ANXA4: variants seen among roughly 807,000 people sequenced by gnomAD.
The protein encoded by ANXA4 is annexin A4.
A neutral mutation model predicts 49.8 loss-of-function variants in ANXA4; 39 were observed. That is an observed-to-expected ratio of 0.78 (90% CI 0.61 to 1.02). The LOEUF (loss-of-function observed/expected upper bound fraction) is 1.02. Among genes scored for constraint, ANXA4 ranks in the 50% least tolerant of loss-of-function variants. The pLI, the probability that ANXA4 is intolerant of heterozygous loss-of-function variation, is 0.00. For missense variants in ANXA4, 360 were observed against 410.1 expected, an observed-to-expected ratio of 0.88 and a Z score of 1.05; for synonymous variants, 134 against 152.5, an observed-to-expected ratio of 0.88 and a Z score of 0.89.
intron 1 of ANXA4, among the ~76,000 whole-genome samples, chr2:69,651,023 G>A (rs758804241): frequency 4.6e-5 from 7 of 152,206 alleles, no homozygotes; most frequent in African/African-American, 7.2e-5. Context: ...TTCCTTCACA[G>A]AGTTTATAAT....
chr2:69,768,796 T>C, intron 1 of ANXA4, among the ~76,000 whole-genome samples: 1 of 151,998 alleles, frequency 6.6e-6, no homozygotes, highest in Non-Finnish European at 1.5e-5. Context: ...AGGCAGAAGG[T>C]CAGGTGCAGT....
chr2:69,655,423 A>G (rs1017282148), intron 2 of ANXA4, among the ~76,000 whole-genome samples: 1 of 152,242 alleles, frequency 6.6e-6, no homozygotes, highest in African/African-American at 2.4e-5. Flanking sequence ...AAACATATGA[A>G]AAAAAGCTCA....
At chr2:69,766,858 T>C (rs951805416) in intron 1 of ANXA4, among the ~76,000 whole-genome samples, 1 of 151,866 alleles carries the variant, frequency 6.6e-6, no homozygotes, top group Non-Finnish European at 1.5e-5. Flanking sequence ...AGTGGAGGGG[T>C]GGGTCTGATG....
chr2:69,674,031 A>G (rs958180639), intron 2 of ANXA4: 5 of 151,560 alleles, frequency 3.3e-5, no homozygotes, highest in African/African-American at 1.2e-4. Flanking sequence ...ACCTGCGGCC[A>G]CCCTGCGTGC....
At chr2:69,738,822 C>G (rs1265873164), upstream of ANXA4, among the ~76,000 whole-genome samples, 3 of 152,122 alleles carry the variant, frequency 2.0e-5, no homozygotes, top group Admixed American at 6.5e-5. Flanking sequence ...TGTGAGTTCT[C>G]CAGACTGGCC....
chr2:69,663,150 G>T (rs1676789439), intron 2 of ANXA4, among the ~76,000 whole-genome samples: 2 of 148,040 alleles, frequency 1.4e-5, no homozygotes, highest in Non-Finnish European at 1.5e-5. Flanking sequence ...CCACCACCAC[G>T]CCCAGCTATT....
chr2:69,751,603 AAGG>A (rs960398489), intron 1 of ANXA4, among the ~76,000 whole-genome samples: 11 of 151,954 alleles, frequency 7.2e-5, no homozygotes, highest in African/African-American at 2.7e-4. Flanking sequence ...TTCAGAGGGG[AAGG>A]AGGAGAGCCT....
chr2:69,804,686 C>A (rs1673365535), intron 4 of ANXA4, 59 bp downstream of exon 4: 1 of 1,380,846 alleles, frequency 7.2e-7, no homozygotes, highest in Non-Finnish European at 1.0e-6. Context: ...GAAGCAGGGC[C>A]TCTTCCTGAT....
Position 69,804,759 on chromosome 2 carries a change from C to A in ANXA4, c.192+132C>A. 1.3e-5 allele frequency: 11 copies of A among 818,078 alleles called. No homozygotes were observed. In the South Asian group the frequency reaches 2.0e-4, roughly 15 times the overall value. 50.7% of individuals were successfully genotyped at this position (818,078 alleles called of 1,614,324 possible). A position where few individuals can be genotyped will look rare whatever the true frequency, so the allele number is the denominator to read the frequency against. On this transcript the variant is annotated intron_variant, in intron 4 of 12. Coordinates refer to ENST00000394295, the MANE Select transcript of ANXA4 (RefSeq NM_001153.5). The stretch of plus-strand genomic sequence containing the variant: ...ATCCTTTGTCTTGTTTAAAGATGTT[C>A]TTGAGGCCAGGTGTGGTGGGTCACA...
At chr2:69,650,880 CATT>C (rs1371980577) in intron 1 of ANXA4, among the ~76,000 whole-genome samples, 2 of 152,090 alleles carry the variant, frequency 1.3e-5, no homozygotes, top group East Asian at 1.9e-4. Context: ...TTTTTGTTGT[CATT>C]GTTTAAATTA....
At chr2:69,714,689 G>C (rs1678816327) in intron 2 of ANXA4, among the ~76,000 whole-genome samples, 1 of 152,200 alleles carries the variant, frequency 6.6e-6, no homozygotes, top group South Asian at 2.1e-4. Context: ...GGATGCCCTG[G>C]GAGGCAAGCG....
chr2:69,695,000 G>A (rs1303285705), intron 2 of ANXA4, among the ~76,000 whole-genome samples: 4 of 151,972 alleles, frequency 2.6e-5, no homozygotes, highest in Non-Finnish European at 4.4e-5. Flanking sequence ...AAAATTAGCC[G>A]GCATGGTGGT....
intron 3 of ANXA4, 47 bp downstream of exon 3, chr2:69,788,188 A>C: frequency 4.0e-6 from 6 of 1,514,402 alleles, no homozygotes; most frequent in Non-Finnish European, 5.5e-6. Context: ...ATTGCACATC[A>C]CAGGGTCACA....
chr2:69,732,438 C>G (rs1043307523), intron 3 of ANXA4, among the ~76,000 whole-genome samples: 1 of 151,988 alleles, frequency 6.6e-6, no homozygotes, highest in African/African-American at 2.4e-5. Flanking sequence ...TCTTCCCAAA[C>G]AGCAGTAGAG....
chr2:69,719,743 A>G (rs1194351242), intron 2 of ANXA4, among the ~76,000 whole-genome samples: 1 of 152,054 alleles, frequency 6.6e-6, no homozygotes, highest in Non-Finnish European at 1.5e-5. Context: ...CCTGCCTAAA[A>G]TTATTTTTTG....
intron 1 of ANXA4, among the ~76,000 whole-genome samples, chr2:69,751,752 C>A (rs143813239): frequency 6.6e-6 from 1 of 152,166 alleles, no homozygotes; most frequent in East Asian, 1.9e-4. Context: ...GTGGCCCATC[C>A]TTCTGGGATC....
chr2:69,824,153 T>G (rs1674359554), intron 12 of ANXA4, among the ~76,000 whole-genome samples: 1 of 152,052 alleles, frequency 6.6e-6, no homozygotes, highest in Non-Finnish European at 1.5e-5. Context: ...CAAAAATTTA[T>G]ATGCAGAAAT....
chr2:69,652,106 A>T (rs1676271251), intron 1 of ANXA4, among the ~76,000 whole-genome samples: 1 of 151,944 alleles, frequency 6.6e-6, no homozygotes, highest in South Asian at 2.1e-4. Flanking sequence ...TCTGCCTCCC[A>T]GGTTCAACAG....
rs6705352 is a variant in ANXA4 at position 69,804,159 on chromosome 2, A to C, written c.98-374A>C. Among the ~76,000 whole-genome samples, 355 of 145,262 alleles carry C rather than the reference A, an allele frequency of 2.4e-3. 1 individual carries two copies. The highest frequency in any genetic ancestry group is 8.9e-3 in the African/African-American group (329 of 37,092). On this transcript the variant is annotated intron_variant, in intron 3 of 12. Transcript: ENST00000394295. ...TCTCAAAAAAAAAAAAAAAAAAAAA[A>C]TATTCTAGAGGAGAGAAAAAATTAC...
Sources: allele counts gnomAD v4.1 joint callset (sites outside exome capture counted in the v4.1 genomes callset), GRCh38; gene constraint gnomAD v4.1.1; transcripts MANE v1.5; gene names NCBI Gene and HGNC (gene_info 2026-07-23, HGNC 2026-07-21).